The following MAP2 variants were observed in gnomAD, a reference collection of about 807,000 sequenced individuals.
MAP2 encodes microtubule-associated protein 2.
MAP2 carries 14 observed loss-of-function variants against 137.6 expected under a neutral mutation model. That is an observed-to-expected ratio of 0.10 (90% CI 0.07 to 0.16). The LOEUF (loss-of-function observed/expected upper bound fraction) is 0.16. MAP2 is among the 10% of genes least tolerant of loss of function. The probability of loss-of-function intolerance (pLI) is 1.00; values close to 1 mark genes in which losing one functional copy is unlikely to be tolerated. For synonymous variants in MAP2, 786 were observed against 782.3 expected, an observed-to-expected ratio of 1.00 and a Z score of -0.08; for missense variants, 2,088 against 2,191.5, an observed-to-expected ratio of 0.95 and a Z score of 0.94.
chr2:209,424,781 G>A (rs972221605), intron 1 of MAP2, among the ~76,000 whole-genome samples: 4 of 152,162 alleles, frequency 2.6e-5, no homozygotes, highest in Non-Finnish European at 5.9e-5. Context: ...TTCAGAAACA[G>A]CTGGGAGAGG....
chr2:209,428,379 T>G (rs1693162064), intron 1 of MAP2, among the ~76,000 whole-genome samples: 1 of 141,654 alleles, frequency 7.1e-6, no homozygotes, highest in Non-Finnish European at 1.5e-5. Context: ...GGGGGCAAAT[T>G]TCTTTTTTTT....
chr2:209,530,022 A>G (rs1245485621), intron 2 of MAP2, among the ~76,000 whole-genome samples: 1 of 152,048 alleles, frequency 6.6e-6, no homozygotes, highest in East Asian at 1.9e-4. Flanking sequence ...AAAATTTAAA[A>G]TAACAGTAAC....
rs908059713 is a variant in MAP2 at position 209,501,053 on chromosome 2, A to G, written c.-221-6539A>G. 3.0e-4 allele frequency among the ~76,000 whole-genome samples: 46 copies of G among 151,136 alleles called. 1 individual carries two copies. The highest frequency in any genetic ancestry group is 1.2e-4 in the Non-Finnish European group (8 of 67,786). ...ACCCTGTCTCAAAAAAAAAAAAAAA[A>G]GCCTACTCTATACCTTAAAAATATG... On this transcript the variant is annotated intron_variant, in intron 1 of 15. Coordinates refer to ENST00000682079, the MANE Select transcript of MAP2 (RefSeq NM_001375505.1).
Position 209,690,307 on chromosome 2 carries a change from A to G in MAP2, c.455-2318A>G, listed in dbSNP as rs531475674. ...TGCGTGCAACTTACTGCCGTTTCCA[A>G]TAAGGGTAATCAATCAATACAACCC... is the stretch of plus-strand genomic sequence containing the variant. On this transcript the variant is annotated intron_variant, in intron 7 of 15. Transcript: ENST00000682079. 4.6e-5 allele frequency among the ~76,000 whole-genome samples: 7 copies of G among 152,254 alleles called. No individual in the cohort carries two copies. In the South Asian group the frequency reaches 1.2e-3, roughly 27 times the overall value.
intron 1 of MAP2, among the ~76,000 whole-genome samples, chr2:209,494,537 A>G (rs188542265): frequency 7.2e-5 from 11 of 152,210 alleles, no homozygotes; most frequent in Admixed American, 6.5e-4. Flanking sequence ...ATGACAGTTT[A>G]CAAATCCCAT....
chr2:209,700,389 TA>T (rs772353764), intron 11 of MAP2, 51 bp downstream of exon 11: 2 of 1,352,114 alleles, frequency 1.5e-6, no homozygotes, highest in East Asian at 4.6e-5. Flanking sequence ...CCTTTGGTAT[TA>T]GCTGTAACAT....
intron 2 of MAP2, among the ~76,000 whole-genome samples, chr2:209,539,841 T>G (rs1355354390): frequency 6.6e-6 from 1 of 150,498 alleles, no homozygotes; most frequent in African/African-American, 2.5e-5. Context: ...CTCGTGCCTA[T>G]AATCCCAGCA....
intron 2 of MAP2, among the ~76,000 whole-genome samples, chr2:209,578,611 C>T (rs894443435): frequency 1.3e-5 from 2 of 152,066 alleles, no homozygotes; most frequent in Admixed American, 6.5e-5. Flanking sequence ...TTCACTGGTT[C>T]AGGTTGCTAA....
chr2:209,605,477 T>A (rs1171611698), intron 3 of MAP2, among the ~76,000 whole-genome samples: 1 of 152,158 alleles, frequency 6.6e-6, no homozygotes, highest in African/African-American at 2.4e-5. Context: ...TAACTATGAA[T>A]AGAAATGCTT....
At chr2:209,635,990 C>A (rs1263833601) in intron 4 of MAP2, among the ~76,000 whole-genome samples, 1 of 152,130 alleles carries the variant, frequency 6.6e-6, no homozygotes, top group African/African-American at 2.4e-5. Context: ...TTCTGAGTAT[C>A]TCTGTCAAAT....
chr2:209,566,728 G>T (rs1374835418), intron 2 of MAP2, among the ~76,000 whole-genome samples: 3 of 151,958 alleles, frequency 2.0e-5, no homozygotes, highest in African/African-American at 7.2e-5. Flanking sequence ...TGTTGTTGTT[G>T]TTGTTCTTCT....
chr2:209,458,372 T>C (rs1344649108), intron 1 of MAP2, among the ~76,000 whole-genome samples: 1 of 152,168 alleles, frequency 6.6e-6, no homozygotes, highest in African/African-American at 2.4e-5. Flanking sequence ...ATACCCTCTG[T>C]AACTAAAACT....
chr2:209,456,865 TAAA>T (rs1423489301), intron 1 of MAP2, among the ~76,000 whole-genome samples: 1 of 152,182 alleles, frequency 6.6e-6, no homozygotes, highest in Non-Finnish European at 1.5e-5. Context: ...GGAGTTGGGA[TAAA>T]GAACAATCTT....
intron 2 of MAP2, among the ~76,000 whole-genome samples, chr2:209,534,050 G>A (rs2065573150): frequency 1.3e-5 from 2 of 152,100 alleles, no homozygotes; most frequent in African/African-American, 2.4e-5. Context: ...TACCCCAAAG[G>A]GCTATGCAAA....
intron 2 of MAP2, among the ~76,000 whole-genome samples, chr2:209,573,495 T>C (rs973842803): frequency 4.6e-5 from 7 of 152,034 alleles, no homozygotes; most frequent in African/African-American, 1.4e-4. Flanking sequence ...GGTTTCCCCA[T>C]GTTGGCCAGG....
chr2:209,603,170 G>T (rs2083487044), intron 3 of MAP2, among the ~76,000 whole-genome samples: 1 of 152,134 alleles, frequency 6.6e-6, no homozygotes, highest in Non-Finnish European at 1.5e-5. Flanking sequence ...AGGATTGCCT[G>T]TCCAAACTGA....
intron 11 of MAP2, among the ~76,000 whole-genome samples, chr2:209,700,820 A>G (rs2061569499): frequency 6.6e-6 from 1 of 152,092 alleles, no homozygotes; most frequent in African/African-American, 2.4e-5. Flanking sequence ...GTAAAATCCT[A>G]ATTTTTTTCT....
chr2:209,473,482 C>T (rs950523260), intron 1 of MAP2, among the ~76,000 whole-genome samples: 2 of 151,990 alleles, frequency 1.3e-5, no homozygotes, highest in African/African-American at 4.8e-5. Context: ...GTATAGTACC[C>T]TATATATTTA....
chr2:209,712,706 A>G (rs2065920145), intron 13 of MAP2, among the ~76,000 whole-genome samples: 1 of 152,196 alleles, frequency 6.6e-6, no homozygotes, highest in South Asian at 2.1e-4. Context: ...AAGCCTCCTT[A>G]CAGTGTGTGA....
Sources: allele counts gnomAD v4.1 joint callset (sites outside exome capture counted in the v4.1 genomes callset), GRCh38; gene constraint gnomAD v4.1.1; transcripts MANE v1.5; gene names NCBI Gene and HGNC (gene_info 2026-07-23, HGNC 2026-07-21).